FRMD4B: variants seen among roughly 807,000 people sequenced by gnomAD.
FRMD4B encodes FERM domain-containing protein 4B.
FRMD4B carries 74 observed loss-of-function variants against 141.5 expected under a neutral mutation model. The observed-to-expected ratio is 0.52, with a 90% CI of 0.43 to 0.63. The LOEUF (loss-of-function observed/expected upper bound fraction) is 0.63. Among genes scored for constraint, FRMD4B ranks in the 30% least tolerant of loss-of-function variants. The pLI is 0.00. For missense variants in FRMD4B, 1,366 were observed against 1,253.4 expected (o/e 1.09, Z -1.36); for synonymous variants, 506 against 467.9 (o/e 1.08, Z -1.05).
rs1019547831 is a variant in FRMD4B at position 69,509,497 on chromosome 3, A to C, written c.-129+32709T>G. On this transcript the variant is annotated intron_variant, in intron 1 of 5. Transcript: ENST00000459638. ...TCAAGGTGCTGGAAGTGAGTCATTA[A>C]GTAAATCTTGACTATCAGGGTGTCT... is the stretch of plus-strand genomic sequence containing the variant. 1.6e-4 allele frequency among the ~76,000 whole-genome samples: 25 copies of C among 152,182 alleles called. 1 individual carries two copies. Among genetic ancestry groups the C allele is most frequent in the African/African-American group, 5.1e-4 (21 of 41,444 alleles).
In FRMD4B at chr3:69,302,848, A is replaced by C. The variant is rs1701262213; in HGVS notation, c.324-413T>G. On this transcript the variant is annotated intron_variant, in intron 3 of 22. Transcript: ENST00000398540. ...AGCACTTTGGGAGGCCGAGGCGGGC[A>C]GATCACCTGAGGTCAGGAGTTTGAG... Among the ~76,000 whole-genome samples, 3 of 152,246 alleles carry C rather than the reference A, an allele frequency of 2.0e-5. No homozygotes were observed. The South Asian group carries it at 6.2e-4, about 32-fold the overall frequency.
intron 1 of FRMD4B, among the ~76,000 whole-genome samples, chr3:69,465,365 C>T (rs946277487): frequency 6.6e-6 from 1 of 150,562 alleles, no homozygotes; most frequent in African/African-American, 2.4e-5. Flanking sequence ...TTCCATGAGA[C>T]ATTTAGGTTA....
At chr3:69,198,641 T>TA (rs1553699426) in intron 12 of FRMD4B, 57 bp downstream of exon 12, 5 of 808,082 alleles carry the variant, frequency 6.2e-6, no homozygotes, top group Non-Finnish European at 1.1e-5. Context: ...CAAATGTTGA[T>TA]AGCAGCGTTA....
At chr3:69,475,734 G>C (rs1019249870) in intron 1 of FRMD4B, among the ~76,000 whole-genome samples, 1 of 150,552 alleles carries the variant, frequency 6.6e-6, no homozygotes, top group Admixed American at 6.6e-5. Flanking sequence ...TAATGGGATG[G>C]CTGGGTCAAA....
rs140477091 is a variant in FRMD4B at position 69,397,162 on chromosome 3, C to T, written c.-1+35472G>A. 2.3e-3 allele frequency among the ~76,000 whole-genome samples: 343 copies of T among 152,040 alleles called. 4 individuals carry two copies. Among genetic ancestry groups the T allele is most frequent in the Admixed American group, 0.015 (222 of 15,270 alleles). On this transcript the variant is annotated intron_variant, in intron 2 of 5. Coordinates refer to the FRMD4B transcript ENST00000459638. The stretch of plus-strand genomic sequence containing the variant: ...TACAAAATGTAGTATACGTATATGA[C>T]GGAATACTACTCAGCCATAAAAAGG...
intron 2 of FRMD4B, among the ~76,000 whole-genome samples, chr3:69,394,911 A>G (rs1233626043): frequency 6.6e-6 from 1 of 152,178 alleles, no homozygotes; most frequent in Non-Finnish European, 1.5e-5. Context: ...AAACTAACAC[A>G]GAAACAGAAA....
intron 1 of FRMD4B, among the ~76,000 whole-genome samples, chr3:69,446,248 G>A (rs943993627): frequency 1.3e-5 from 2 of 151,936 alleles, no homozygotes; most frequent in Non-Finnish European, 2.9e-5. Context: ...AGCTGGTCTC[G>A]AACTCCTGAC....
intron 1 of FRMD4B, among the ~76,000 whole-genome samples, chr3:69,540,999 A>C (rs1701175994): frequency 6.6e-6 from 1 of 152,160 alleles, no homozygotes. Flanking sequence ...TGATGAGGTT[A>C]AGTAAGGCGA....
At position 69,313,453 on chromosome 3, in the gene FRMD4B, T is replaced by A; in HGVS notation, c.227A>T (p.Gln76Leu). 6.4e-7 allele frequency: 1 copy of A among 1,567,292 alleles called. No homozygotes were observed. The highest frequency in any genetic ancestry group is 8.7e-7 in the Non-Finnish European group (1 of 1,154,746). Residue 76 changes from glutamine to leucine, a missense_variant and splice_region_variant, in exon 2 of 23, where the codon CAG (glutamine) becomes CTG (leucine). Coordinates refer to ENST00000398540, the MANE Select transcript of FRMD4B (RefSeq NM_015123.3). Reference sequence around the variant, plus strand: ...AACACACATGTGGGCCACACCTACCTGAACCAGCAGCTCCAGTCTCCTATC... The same window carrying A: ...AACACACATGTGGGCCACACCTACCAGAACCAGCAGCTCCAGTCTCCTATC... Reference protein sequence around the residue: ...LDDRRLELLVQPKLLARELLD... With the variant: ...LDDRRLELLVLPKLLARELLD...
chr3:69,507,850 AG>A (rs1706624395), intron 1 of FRMD4B, among the ~76,000 whole-genome samples: 1 of 152,178 alleles, frequency 6.6e-6, no homozygotes, highest in East Asian at 1.9e-4. Context: ...AGGGAAAAAT[AG>A]GTTTTTTTTT....
intron 1 of FRMD4B, among the ~76,000 whole-genome samples, chr3:69,477,328 A>G (rs1262291153): frequency 1.4e-5 from 2 of 145,036 alleles, no homozygotes; most frequent in Admixed American, 6.7e-5. Flanking sequence ...TCAGTATGAT[A>G]TTGGCTGTGG....
chr3:69,456,553 A>T (rs1705618086), intron 1 of FRMD4B, among the ~76,000 whole-genome samples: 1 of 152,096 alleles, frequency 6.6e-6, no homozygotes, highest in African/African-American at 2.4e-5. Context: ...CAGCCCCCTC[A>T]TTACTTTCAG....
rs150436316 is a variant in FRMD4B at position 69,426,950 on chromosome 3, A to G, written c.-1+5684T>C. 1.6e-3 allele frequency among the ~76,000 whole-genome samples: 240 copies of G among 152,254 alleles called. 2 individuals carry two copies. Among genetic ancestry groups the G allele is most frequent in the Middle Eastern group, 3.4e-3 (1 of 294 alleles). On this transcript the variant is annotated intron_variant, in intron 2 of 5. Transcript: ENST00000459638. ...CTATTTCTTTGGCTCAGCCTCATAG[A>G]TTTTGGAAATGTGACTATTTATAGG... is the stretch of plus-strand genomic sequence containing the variant.
intron 22 of FRMD4B, among the ~76,000 whole-genome samples, chr3:69,173,054 C>T (rs1458574859): frequency 2.0e-5 from 3 of 152,164 alleles, no homozygotes; most frequent in Non-Finnish European, 4.4e-5. Flanking sequence ...CAGCTGGCTA[C>T]ACTTAGCAAA....
intron 2 of FRMD4B, among the ~76,000 whole-genome samples, chr3:69,424,383 T>C (rs749993936): frequency 1.3e-5 from 2 of 152,162 alleles, no homozygotes; most frequent in Non-Finnish European, 2.9e-5. Context: ...AGCATCGAAC[T>C]CCTGGACTCA....
At chr3:69,427,885 AC>A (rs1419599666) in intron 2 of FRMD4B, among the ~76,000 whole-genome samples, 1 of 151,224 alleles carries the variant, frequency 6.6e-6, no homozygotes, top group Non-Finnish European at 1.5e-5. Flanking sequence ...CGAACTCCTG[AC>A]CTCGAGTGAT....
intron 1 of FRMD4B, among the ~76,000 whole-genome samples, chr3:69,376,220 T>G (rs976740216): frequency 6.6e-6 from 1 of 152,154 alleles, no homozygotes; most frequent in Non-Finnish European, 1.5e-5. Context: ...AGGTTTCAAC[T>G]GATTCAATAT....
At chr3:69,499,328 C>T (rs1049058009) in intron 1 of FRMD4B, among the ~76,000 whole-genome samples, 12 of 152,092 alleles carry the variant, frequency 7.9e-5, no homozygotes, top group African/African-American at 2.4e-4. Context: ...CTGCTAGGTC[C>T]TGTGTGGACA....
intron 22 of FRMD4B, 29 bp from the exon 23 acceptor site, chr3:69,172,010 C>A (rs368186652): frequency 6.2e-7 from 1 of 1,609,894 alleles, no homozygotes; most frequent in Non-Finnish European, 8.5e-7. Context: ...AAAGTTACTA[C>A]TTGTGGCCAT....
Sources: allele counts gnomAD v4.1 joint callset (sites outside exome capture counted in the v4.1 genomes callset), GRCh38; gene constraint gnomAD v4.1.1; transcripts MANE v1.5; gene names NCBI Gene and HGNC (gene_info 2026-07-23, HGNC 2026-07-21).